STPG4: variants seen among roughly 807,000 people sequenced by gnomAD.
The protein encoded by STPG4 is protein STPG4.
Under a neutral mutation model 31.5 loss-of-function variants are expected in STPG4, and 41 were observed. The ratio of observed to expected loss-of-function variants is 1.30; its 90% CI spans 1.01 to 1.69. The LOEUF (loss-of-function observed/expected upper bound fraction) is 1.69. Ranked by LOEUF, STPG4 falls within the 40% of genes most tolerant of loss-of-function variation. The probability of loss-of-function intolerance (pLI) is 0.00; values close to 1 mark genes in which losing one functional copy is unlikely to be tolerated. For missense variants in STPG4, 375 were observed against 293.4 expected (o/e 1.28, Z -2.03); for synonymous variants, 141 against 103.0 (o/e 1.37, Z -2.24).
chr2:47,095,389 G>C (rs896782718), intron 5 of STPG4, among the ~76,000 whole-genome samples: 1 of 152,152 alleles, frequency 6.6e-6, no homozygotes, highest in East Asian at 1.9e-4. Context: ...AACCGAGGAA[G>C]ACCAAGGAAT....
At chr2:47,135,333 A>G (rs1686574099) in intron 3 of STPG4, among the ~76,000 whole-genome samples, 1 of 152,156 alleles carries the variant, frequency 6.6e-6, no homozygotes, top group South Asian at 2.1e-4. Context: ...TTTGTAATCA[A>G]CTTTGAGTTC....
At chr2:47,102,145 G>C (rs6707310) in intron 5 of STPG4, among the ~76,000 whole-genome samples, 3 of 141,696 alleles carry the variant, frequency 2.1e-5, no homozygotes, top group African/African-American at 8.3e-5. Context: ...AGCAGGGTCC[G>C]GGGACCGTTG....
chr2:47,090,952 C>G (rs181629300), intron 5 of STPG4, among the ~76,000 whole-genome samples: 258 of 152,270 alleles, frequency 1.7e-3, no homozygotes, highest in African/African-American at 6.0e-3. Flanking sequence ...AGAGGATATA[C>G]AAACGTTCAA....
At chr2:47,139,792 C>G (rs1686668370) in intron 3 of STPG4, among the ~76,000 whole-genome samples, 2 of 152,032 alleles carry the variant, frequency 1.3e-5, no homozygotes, top group African/African-American at 4.8e-5. Flanking sequence ...TGTAGTTAGA[C>G]CAATTAGAGT....
chr2:47,120,511 G>C (rs1324186821), intron 5 of STPG4, among the ~76,000 whole-genome samples: 1 of 152,032 alleles, frequency 6.6e-6, no homozygotes, highest in Non-Finnish European at 1.5e-5. Context: ...AGCTTGCAGT[G>C]AGCTGAGATC....
intron 5 of STPG4, among the ~76,000 whole-genome samples, chr2:47,094,082 C>A (rs898655447): frequency 6.6e-6 from 1 of 152,254 alleles, no homozygotes; most frequent in African/African-American, 2.4e-5. Context: ...CTGCTCTCTC[C>A]TTTACTGGGG....
At chr2:47,114,357 A>T (rs1475345258) in intron 5 of STPG4, among the ~76,000 whole-genome samples, 3 of 151,866 alleles carry the variant, frequency 2.0e-5, no homozygotes, top group Non-Finnish European at 4.4e-5. Flanking sequence ...ATACAAAAAA[A>T]TTAGCCAGGC....
At chr2:47,111,865 A>G (rs1433707220) in intron 5 of STPG4, among the ~76,000 whole-genome samples, 1 of 152,244 alleles carries the variant, frequency 6.6e-6, no homozygotes, top group Non-Finnish European at 1.5e-5. Context: ...GGTAATGTGA[A>G]GATTAAAAAT....
chr2:47,101,293 C>G (rs891903433), intron 5 of STPG4, among the ~76,000 whole-genome samples: 1 of 151,746 alleles, frequency 6.6e-6, no homozygotes, highest in East Asian at 1.9e-4. Flanking sequence ...GAACCAGCTT[C>G]TGCTTTTCCT....
At chr2:47,118,092 G>A (rs964841947) in intron 5 of STPG4, among the ~76,000 whole-genome samples, 18 of 152,052 alleles carry the variant, frequency 1.2e-4, no homozygotes, top group African/African-American at 3.9e-4. Context: ...TTGGCTTTAG[G>A]TTTTAAGCGA....
intron 5 of STPG4, chr2:47,108,498 C>T (rs1685970532): frequency 2.5e-5 from 4 of 159,086 alleles, no homozygotes; most frequent in African/African-American, 9.6e-5. Context: ...GACGCGCCAC[C>T]TTAAGAGCTG....
At chr2:47,100,972 T>C (rs111718005) in intron 5 of STPG4, among the ~76,000 whole-genome samples, 2,010 of 151,996 alleles carry the variant, frequency 0.013, 25 homozygotes, top group Non-Finnish European at 0.021. Context: ...CCACCAATTC[T>C]GGACACATTT....
At chr2:47,155,045 G>A (rs1252189655) in intron 1 of STPG4, 126 bp downstream of exon 1, 5 of 805,434 alleles carry the variant, frequency 6.2e-6, no homozygotes, top group Non-Finnish European at 1.0e-5. Flanking sequence ...GTGAGGGCAG[G>A]GAGAGAAGGG....
At chr2:47,109,079 A>C (rs1259748397) in intron 5 of STPG4, among the ~76,000 whole-genome samples, 1 of 152,236 alleles carries the variant, frequency 6.6e-6, no homozygotes, top group Non-Finnish European at 1.5e-5. Flanking sequence ...ACAACTGAAA[A>C]AATTCTAACC....
At chr2:47,128,239 C>T (rs2347609) in intron 5 of STPG4, among the ~76,000 whole-genome samples, 1 of 152,094 alleles carries the variant, frequency 6.6e-6, no homozygotes, top group African/African-American at 2.4e-5. Flanking sequence ...AGCTGAGGGA[C>T]GGGTGACACA....
At chr2:47,135,481 G>A (rs577926644) in intron 3 of STPG4, among the ~76,000 whole-genome samples, 13 of 152,114 alleles carry the variant, frequency 8.5e-5, no homozygotes, top group Non-Finnish European at 1.9e-4. Flanking sequence ...GCACCTCCCA[G>A]GTTCAAACGA....
intron 5 of STPG4, among the ~76,000 whole-genome samples, chr2:47,102,818 C>G (rs951377252): frequency 6.6e-6 from 1 of 151,870 alleles, no homozygotes; most frequent in Non-Finnish European, 1.5e-5. Flanking sequence ...TTCTCCCTCT[C>G]TGATTTAAAG....
intron 5 of STPG4, among the ~76,000 whole-genome samples, chr2:47,094,978 T>C (rs7566404): frequency 0.85 from 129,017 of 152,204 alleles, 54,807 homozygotes; most frequent in Admixed American, 0.89. Context: ...TACACTCCTC[T>C]GGAGTGAAGA....
intron 3 of STPG4, among the ~76,000 whole-genome samples, chr2:47,145,325 T>G (rs978767373): frequency 1.3e-5 from 2 of 152,036 alleles, no homozygotes; most frequent in African/African-American, 4.8e-5. Flanking sequence ...GAAAGTAAAC[T>G]CTCCCACCTC....
Sources: gnomAD v4.1 joint callset for allele counts (sites outside exome capture counted in the v4.1 genomes callset) on GRCh38, gnomAD v4.1.1 for gene constraint, MANE v1.5 for transcripts, NCBI Gene and HGNC (gene_info 2026-07-23, HGNC 2026-07-21) for gene names.